The following ZNF710 variants were observed in gnomAD, a reference collection of about 807,000 sequenced individuals.
ZNF710 encodes the protein zinc finger protein 710.
ZNF710 carries 13 observed loss-of-function variants against 50.6 expected under a neutral mutation model. The observed-to-expected ratio is 0.26, with a 90% confidence interval of 0.17 to 0.41. The LOEUF (loss-of-function observed/expected upper bound fraction) is 0.41. ZNF710 is among the 10% of genes least tolerant of loss of function. The pLI is 1.00. For synonymous variants in ZNF710, 383 were observed against 397.0 expected, an observed-to-expected ratio of 0.96 and a Z score of 0.42; for missense variants, 721 against 936.6, an observed-to-expected ratio of 0.77 and a Z score of 3.01.
chr15:90,071,478 A>T (rs946712448), intron 2 of ZNF710, among the ~76,000 whole-genome samples: 3 of 152,094 alleles, frequency 2.0e-5, no homozygotes, highest in Non-Finnish European at 4.4e-5. Context: ...ATACAGCACA[A>T]GACACAGTCC....
rs1411303611 is a variant in ZNF710, at chr15:90,059,551, C to T, written c.-28-7559C>T. On this transcript the variant is annotated intron_variant, in intron 1 of 4. Coordinates refer to ENST00000268154, the MANE Select transcript of ZNF710 (RefSeq NM_198526.4). The surrounding 1 kb of genome is among the most constrained non-coding windows in gnomAD (Gnocchi z 4.1). ...CACTCTGACTCCCAGAGGTGGGGCT[C>T]AGTGAATCTGTCCACAGAGAAAGGG... is the stretch of plus-strand genomic sequence containing the variant. Among the ~76,000 whole-genome samples, 1 of 152,116 alleles carries T rather than the reference C, an allele frequency of 6.6e-6. No homozygotes were observed. The highest frequency in any genetic ancestry group is 1.5e-5 in the Non-Finnish European group (1 of 68,002).
In ZNF710 at chr15:90,034,702, AC is replaced by A. The variant is rs1899063545; in HGVS notation, c.-28-32405del. Reference sequence around the variant, plus strand: ...CTCCTGCTACCCTAGAGCCCAGGACACCCTTGCAGGCCTTCTGAGCCTTCTT... The same window carrying A: ...CTCCTGCTACCCTAGAGCCCAGGACACCTTGCAGGCCTTCTGAGCCTTCTT... On this transcript the variant is annotated intron_variant, in intron 1 of 4. Coordinates refer to ENST00000268154, the MANE Select transcript of ZNF710 (RefSeq NM_198526.4). This position sits in a 1 kb window ranked among gnomAD's most constrained non-coding sequence, Gnocchi z 4.0. 6.6e-6 allele frequency among the ~76,000 whole-genome samples: 1 copy of A among 152,016 alleles called. No homozygotes were observed. Among genetic ancestry groups the A allele is most frequent in the African/African-American group, 2.4e-5 (1 of 41,382 alleles).
intron 2 of ZNF710, among the ~76,000 whole-genome samples, chr15:90,072,771 A>G (rs1233970791): frequency 1.3e-5 from 2 of 152,202 alleles, no homozygotes; most frequent in Non-Finnish European, 1.5e-5. Flanking sequence ...GTGCACTAGT[A>G]CAGACCTTAT....
chr15:90,011,195 G>T (rs1208919940), intron 1 of ZNF710, among the ~76,000 whole-genome samples: 4 of 152,178 alleles, frequency 2.6e-5, no homozygotes, highest in East Asian at 1.9e-4. Context: ...CTCCCAAAGT[G>T]CTGGGATTAC....
rs1450080910 is a variant in ZNF710, at chr15:90,074,101, G to A, written c.1651-15G>A. ...GTTCCCCACAGGCTCAGGACACCGGGTTGATGTGTTCTAGGTGTGCGGGAA... is the reference window on the plus strand; with the variant it reads ...GTTCCCCACAGGCTCAGGACACCGGATTGATGTGTTCTAGGTGTGCGGGAA... On this transcript the variant is annotated splice_polypyrimidine_tract_variant and intron_variant, in intron 3 of 4. Transcript: ENST00000268154. 25 of 1,606,510 alleles carry A rather than the reference G, an allele frequency of 1.6e-5. No homozygotes were observed. Among genetic ancestry groups the A allele is most frequent in the Non-Finnish European group, 2.1e-5 (25 of 1,177,540 alleles).
At chr15:90,000,995 AAGAG>A (rs772003954), upstream of ZNF710, among the ~76,000 whole-genome samples, 105 of 152,162 alleles carry the variant, frequency 6.9e-4, 2 homozygotes, top group Middle Eastern at 0.014. Context: ...AGAAAAAAAA[AAGAG>A]AGAGAGAGAA....
chr15:90,033,576 C>T (rs988840161), intron 1 of ZNF710, among the ~76,000 whole-genome samples: 2 of 152,168 alleles, frequency 1.3e-5, no homozygotes, highest in African/African-American at 4.8e-5. Flanking sequence ...GAGACAGGTT[C>T]TCACTCTGTT....
At chr15:90,024,381 G>A (rs887790193) in intron 1 of ZNF710, among the ~76,000 whole-genome samples, 1 of 152,212 alleles carries the variant, frequency 6.6e-6, no homozygotes, top group Non-Finnish European at 1.5e-5. Context: ...CTATGTTGGG[G>A]GTGGGAGGGT....
chr15:90,067,296 G>C lies in ZNF710; in HGVS notation c.159G>C (p.Gly53=). ...FYPDLGPELS[G]AAMGEPEPPG... ...CGGACCTGGGGCCCGAGCTTTCAGGGGCAGCCATGGGAGAGCCCGAGCCAC... is the reference window on the plus strand; with the variant it reads ...CGGACCTGGGGCCCGAGCTTTCAGGCGCAGCCATGGGAGAGCCCGAGCCAC... Residue 53 remains glycine, a synonymous_variant, in exon 2 of 5, where the codon GGG becomes GGC. Coordinates refer to ENST00000268154, the MANE Select transcript of ZNF710 (RefSeq NM_198526.4). The surrounding 1 kb of genome is among the most constrained non-coding windows in gnomAD (Gnocchi z 8.1). 6.2e-7 allele frequency: 1 copy of C among 1,611,102 alleles called. No homozygotes were observed. Among genetic ancestry groups the C allele is most frequent in the Admixed American group, 1.7e-5 (1 of 59,642 alleles).
chr15:90,061,708 C>A (rs1900013500), intron 1 of ZNF710, among the ~76,000 whole-genome samples: 2 of 152,170 alleles, frequency 1.3e-5, no homozygotes, highest in Admixed American at 1.3e-4. Flanking sequence ...AGGAAAGGAG[C>A]ACTGTTGTGA....
chr15:90,054,099 T>C (rs997319308), intron 1 of ZNF710, among the ~76,000 whole-genome samples: 2 of 151,878 alleles, frequency 1.3e-5, no homozygotes, highest in African/African-American at 2.4e-5. Context: ...CAAGAGAACA[T>C]TGAAGGAGAT....
chr15:90,038,534 C>T (rs142550703), intron 1 of ZNF710, among the ~76,000 whole-genome samples: 1 of 152,312 alleles, frequency 6.6e-6, no homozygotes, highest in African/African-American at 2.4e-5. Context: ...CATCATCACA[C>T]CTAAGAAATT....
In ZNF710 at chr15:90,077,239, CTTTTT is replaced by C. The variant is rs34572330; in HGVS notation, c.1826-2403_1826-2399del. Reference sequence around the variant, plus strand: ...CACAAGTAGAAATTTTCTCAAGGTGCTTTTTTTTTTTTTTTTTTTTTTGAGACGGA... The same window carrying C: ...CACAAGTAGAAATTTTCTCAAGGTGCTTTTTTTTTTTTTTTTTGAGACGGA... On this transcript the variant is annotated intron_variant, in intron 4 of 4. Coordinates refer to ENST00000268154, the MANE Select transcript of ZNF710 (RefSeq NM_198526.4). 5.1e-4 allele frequency among the ~76,000 whole-genome samples: 40 copies of C among 79,068 alleles called. 2 individuals are homozygous for C. Among genetic ancestry groups the C allele is most frequent in the Non-Finnish European group, 2.3e-5 (1 of 43,354 alleles). The allele number at this position is 79,068 out of a possible 152,430, so 51.9% of individuals were successfully genotyped here.
At chr15:90,025,788 C>T (rs781490567) in intron 1 of ZNF710, 18 of 152,022 alleles carry the variant, frequency 1.2e-4, no homozygotes, top group Non-Finnish European at 2.4e-4. Context: ...TAAACCTCGC[C>T]AAAATATTGT....
Position 90,028,284 on chromosome 15 carries a change from AT to A in ZNF710, c.-29+26673del, listed in dbSNP as rs1456812424. 2.6e-5 allele frequency among the ~76,000 whole-genome samples: 4 copies of A among 152,166 alleles called. No homozygotes were observed. The South Asian group carries it at 8.3e-4, about 32-fold the overall frequency. ...TGAAGAAAGTTACAGAGCACACATC[AT>A]TTCTCCCTTCAATAGTTCCGCATAC... On this transcript the variant is annotated intron_variant, in intron 1 of 4. Coordinates refer to ENST00000268154, the MANE Select transcript of ZNF710 (RefSeq NM_198526.4).
At chr15:90,071,356 C>A (rs1900376976) in intron 2 of ZNF710, among the ~76,000 whole-genome samples, 1 of 151,728 alleles carries the variant, frequency 6.6e-6, no homozygotes, top group Non-Finnish European at 1.5e-5. Flanking sequence ...GGAAATGTCC[C>A]TATTATCAGC....
At chr15:90,042,416 C>T (rs1280977776) in intron 1 of ZNF710, among the ~76,000 whole-genome samples, 2 of 151,726 alleles carry the variant, frequency 1.3e-5, no homozygotes, top group South Asian at 2.1e-4. Context: ...TGGTCCTTGT[C>T]GCTTTATAAT....
intron 1 of ZNF710, among the ~76,000 whole-genome samples, chr15:90,005,709 A>G (rs912137961): frequency 3.9e-5 from 6 of 152,208 alleles, no homozygotes; most frequent in African/African-American, 1.4e-4. Flanking sequence ...CGGCCTCCCA[A>G]AGTGCTGGGA....
At chr15:90,010,711 C>T (rs556635411) in intron 1 of ZNF710, among the ~76,000 whole-genome samples, 2 of 151,904 alleles carry the variant, frequency 1.3e-5, no homozygotes, top group Non-Finnish European at 2.9e-5. Flanking sequence ...TCCTTCAGTC[C>T]GTTTTTTCTC....
Sources: gnomAD v4.1 joint callset for allele counts (sites outside exome capture counted in the v4.1 genomes callset) on GRCh38, gnomAD v4.1.1 for gene constraint, Gnocchi (gnomAD v3.1) non-coding constraint, MANE v1.5 for transcripts, NCBI Gene and HGNC (gene_info 2026-07-23, HGNC 2026-07-21) for gene names.